Variants in MAP2 observed in about 807,000 individuals in gnomAD.
MAP2 encodes the protein microtubule-associated protein 2.
In MAP2, 14 loss-of-function variants were observed where a neutral mutation model predicts 137.6. The observed-to-expected ratio is 0.10, with a 90% CI of 0.07 to 0.16. The LOEUF is 0.16. Ranked by LOEUF, MAP2 falls within the 10% of genes least tolerant of loss-of-function variation. MAP2 has a pLI of 1.00. For missense variants in MAP2, 2,088 were observed against 2,191.5 expected, an observed-to-expected ratio of 0.95 and a Z score of 0.94; for synonymous variants, 786 against 782.3, an observed-to-expected ratio of 1.00 and a Z score of -0.08.
intron 2 of MAP2, among the ~76,000 whole-genome samples, chr2:209,532,066 T>A (rs1366929176): frequency 6.6e-6 from 1 of 151,820 alleles, no homozygotes; most frequent in Non-Finnish European, 1.5e-5. Context: ...TAGTGAGACC[T>A]CATCTCTACA....
intron 2 of MAP2, among the ~76,000 whole-genome samples, chr2:209,564,666 T>G (rs1054747228): frequency 1.3e-5 from 2 of 151,938 alleles, no homozygotes; most frequent in African/African-American, 4.8e-5. Flanking sequence ...CAGTGCAGGT[T>G]CTTATTTCAT....
At chr2:209,508,839 G>A (rs2061399647) in intron 2 of MAP2, among the ~76,000 whole-genome samples, 1 of 151,388 alleles carries the variant, frequency 6.6e-6, no homozygotes, top group South Asian at 2.1e-4. Context: ...ATTTATTAAA[G>A]TTTCTCTTTT....
At chr2:209,431,094 G>T (rs1694142442) in intron 1 of MAP2, among the ~76,000 whole-genome samples, 1 of 152,044 alleles carries the variant, frequency 6.6e-6, no homozygotes, top group Non-Finnish European at 1.5e-5. Flanking sequence ...ACCATATTGA[G>T]AGTGGTCAAT....
chr2:209,700,402 A>G, intron 11 of MAP2, 64 bp downstream of exon 11: 2 of 1,266,456 alleles, frequency 1.6e-6, no homozygotes, highest in Non-Finnish European at 2.3e-6. Context: ...CTGTAACATC[A>G]GAATAACTTT....
intron 2 of MAP2, among the ~76,000 whole-genome samples, chr2:209,571,136 G>A (rs996421181): frequency 2.0e-5 from 3 of 151,776 alleles, no homozygotes; most frequent in Non-Finnish European, 4.4e-5. Flanking sequence ...ATGGTTACAT[G>A]GTATGTGTGT....
At chr2:209,690,982 C>T in intron 7 of MAP2, 1 of 868,404 alleles carries the variant, frequency 1.2e-6, no homozygotes, top group Non-Finnish European at 1.5e-6. Context: ...CTGTTGTAGG[C>T]TTAATGTGCA....
rs779039075 is a variant in MAP2, at chr2:209,725,706, T to C, written c.5074-3T>C. On this transcript the variant is annotated splice_region_variant and splice_polypyrimidine_tract_variant and intron_variant, in intron 13 of 15. Coordinates refer to ENST00000682079, the MANE Select transcript of MAP2 (RefSeq NM_001375505.1). ...TTAAGCATGTTTTATGTGGTTCACA[T>C]AGGTACAAATTGTTACCAAGAAAAT... 8.8e-6 allele frequency: 14 copies of C among 1,589,486 alleles called. No homozygotes were observed. Among genetic ancestry groups the C allele is most frequent in the African/African-American group, 8.1e-5 (6 of 73,758 alleles).
At chr2:209,527,273 A>G (rs1050301353) in intron 2 of MAP2, among the ~76,000 whole-genome samples, 2 of 152,138 alleles carry the variant, frequency 1.3e-5, no homozygotes, top group Non-Finnish European at 2.9e-5. Context: ...TATATCTGAT[A>G]TATTTTTTTG....
intron 3 of MAP2, among the ~76,000 whole-genome samples, chr2:209,583,147 G>A (rs62213458): frequency 0.16 from 24,193 of 147,118 alleles, 2,333 homozygotes; most frequent in African/African-American, 0.26. Flanking sequence ...CTGTCTGTCT[G>A]TCTATCTATC....
At chr2:209,566,502 A>G (rs958663708) in intron 2 of MAP2, among the ~76,000 whole-genome samples, 2 of 152,124 alleles carry the variant, frequency 1.3e-5, no homozygotes, top group African/African-American at 4.8e-5. Context: ...ATGAAACTCT[A>G]TTTGTTTCCA....
At chr2:209,431,292 G>T (rs1694207281) in intron 1 of MAP2, among the ~76,000 whole-genome samples, 1 of 152,078 alleles carries the variant, frequency 6.6e-6, no homozygotes, top group African/African-American at 2.4e-5. Flanking sequence ...TATGATTTAT[G>T]TAATGGAATA....
intron 1 of MAP2, among the ~76,000 whole-genome samples, chr2:209,438,381 T>A (rs1038271976): frequency 3.3e-5 from 5 of 151,620 alleles, no homozygotes; most frequent in Non-Finnish European, 4.4e-5. Flanking sequence ...CATTACAAAA[T>A]ATTTCAAAAA....
chr2:209,538,535 C>CTTTT (rs1175515630), intron 2 of MAP2, among the ~76,000 whole-genome samples: 1 of 125,370 alleles, frequency 8.0e-6, no homozygotes, highest in East Asian at 2.2e-4. Context: ...CAGAAGAGTC[C>CTTTT]TTTTTTTTTT....
intron 13 of MAP2, among the ~76,000 whole-genome samples, chr2:209,712,216 T>G (rs2065741612): frequency 6.6e-6 from 1 of 152,152 alleles, no homozygotes; most frequent in Non-Finnish European, 1.5e-5. Flanking sequence ...TTTGGAGTAT[T>G]TTTATGTCTT....
chr2:209,725,585 A>G (rs2073619516), intron 13 of MAP2, 124 bp from the exon 14 acceptor site: 4 of 489,232 alleles, frequency 8.2e-6, no homozygotes, highest in African/African-American at 2.0e-5. Flanking sequence ...GTGTACTTCA[A>G]TTTGGGTTTC....
intron 2 of MAP2, among the ~76,000 whole-genome samples, chr2:209,541,968 G>C (rs908138705): frequency 2.0e-5 from 3 of 152,174 alleles, no homozygotes; most frequent in Admixed American, 2.0e-4. Flanking sequence ...ATGGCATCTA[G>C]GATAGTGAAA....
intron 3 of MAP2, among the ~76,000 whole-genome samples, chr2:209,617,033 A>G (rs1434686080): frequency 6.6e-6 from 1 of 152,136 alleles, no homozygotes; most frequent in Non-Finnish European, 1.5e-5. Flanking sequence ...GCATTTCTTT[A>G]TGGCAAATTC....
At chr2:209,710,337 A>G in intron 13 of MAP2, 83 bp downstream of exon 13, 2 of 1,218,990 alleles carry the variant, frequency 1.6e-6, no homozygotes, top group Non-Finnish European at 1.1e-6. Context: ...CAGTTCTTAA[A>G]AGGGAAGCAG....
chr2:209,459,791 A>G (rs927807515), intron 1 of MAP2, among the ~76,000 whole-genome samples: 6 of 152,168 alleles, frequency 3.9e-5, no homozygotes, highest in Admixed American at 3.3e-4. Context: ...TGCAGGCCCT[A>G]GTCTTCATGC....
Sources: allele counts gnomAD v4.1 joint callset (sites outside exome capture counted in the v4.1 genomes callset), GRCh38; gene constraint gnomAD v4.1.1; transcripts MANE v1.5; gene names NCBI Gene and HGNC (gene_info 2026-07-23, HGNC 2026-07-21).